Variants in HFM1 observed in about 807,000 individuals in gnomAD.
HFM1 encodes helicase for meiosis 1.
In HFM1, 169 loss-of-function variants were observed where a neutral mutation model predicts 192.1. The ratio of observed to expected loss-of-function variants is 0.88; its 90% CI spans 0.78 to 1.00. HFM1 has a LOEUF of 1.00. HFM1 is among the 50% of genes least tolerant of loss of function. The pLI, the probability that HFM1 is intolerant of heterozygous loss-of-function variation, is 0.00. For missense variants in HFM1, 1,661 were observed against 1,668.0 expected, an observed-to-expected ratio of 1.00 and a Z score of 0.07; for synonymous variants, 525 against 537.8, an observed-to-expected ratio of 0.98 and a Z score of 0.33.
At chr1:91,349,909 T>G (rs1656703506) in intron 18 of HFM1, among the ~76,000 whole-genome samples, 1 of 152,222 alleles carries the variant, frequency 6.6e-6, no homozygotes, top group South Asian at 2.1e-4. Flanking sequence ...CTTATTTACT[T>G]TTATATGCAA....
intron 30 of HFM1, among the ~76,000 whole-genome samples, chr1:91,277,517 GT>G: frequency 7.0e-6 from 1 of 142,530 alleles, no homozygotes; most frequent in African/African-American, 2.6e-5. Context: ...GTGTGTGTGT[GT>G]GTGTGTGTGT....
chr1:91,330,404 A>G (rs1242094691), intron 20 of HFM1, among the ~76,000 whole-genome samples: 3 of 152,190 alleles, frequency 2.0e-5, no homozygotes, highest in East Asian at 1.9e-4. Flanking sequence ...AAAATCTAGA[A>G]GAAATGAACA....
At chr1:91,372,208 T>C (rs1192969153) in intron 13 of HFM1, among the ~76,000 whole-genome samples, 13 of 152,174 alleles carry the variant, frequency 8.5e-5, no homozygotes, top group Admixed American at 8.5e-4. Flanking sequence ...CAACTAGAAA[T>C]ACCATTTGAT....
intron 4 of HFM1, among the ~76,000 whole-genome samples, chr1:91,386,249 C>A (rs1362631896): frequency 6.6e-6 from 1 of 152,152 alleles, no homozygotes; most frequent in Non-Finnish European, 1.5e-5. Flanking sequence ...CTGTGGAGAG[C>A]TAGTCACAAT....
chr1:91,290,694 A>G (rs965396679), intron 30 of HFM1, among the ~76,000 whole-genome samples: 1 of 152,176 alleles, frequency 6.6e-6, no homozygotes, highest in African/African-American at 2.4e-5. Context: ...CTCTGCACCA[A>G]CCGGACCTAA....
chr1:91,312,037 G>A (rs1342491495), intron 30 of HFM1, among the ~76,000 whole-genome samples: 1 of 152,190 alleles, frequency 6.6e-6, no homozygotes, highest in Non-Finnish European at 1.5e-5. Context: ...CAGAAGTCAA[G>A]AATCGAGGTT....
At chr1:91,337,599 G>A (rs1019323961) in intron 20 of HFM1, among the ~76,000 whole-genome samples, 5 of 152,140 alleles carry the variant, frequency 3.3e-5, no homozygotes, top group Non-Finnish European at 7.3e-5. Context: ...TCAGAGTCCC[G>A]TCTCCAGTAC....
chr1:91,303,097 C>T (rs1303304523), intron 30 of HFM1, among the ~76,000 whole-genome samples: 1 of 152,090 alleles, frequency 6.6e-6, no homozygotes, highest in Admixed American at 6.6e-5. Context: ...GGTTGTGCAA[C>T]AGTCATCATA....
At chr1:91,325,477 G>A (rs1164847517) in intron 20 of HFM1, among the ~76,000 whole-genome samples, 2 of 152,166 alleles carry the variant, frequency 1.3e-5, no homozygotes, top group East Asian at 3.9e-4. Context: ...CTGTATTTTT[G>A]AGAGAAAGTA....
chr1:91,343,226 G>T (rs1177717326), intron 20 of HFM1, among the ~76,000 whole-genome samples: 3 of 26,788 alleles, frequency 1.1e-4, no homozygotes, highest in African/African-American at 3.1e-4. Context: ...GTGAGACTCT[G>T]TCTCAAAAAA....
chr1:91,339,170 A>G (rs1194743704), intron 20 of HFM1, among the ~76,000 whole-genome samples: 2 of 151,344 alleles, frequency 1.3e-5, no homozygotes, highest in African/African-American at 4.9e-5. Flanking sequence ...CAGACGAAAA[A>G]CAATTAGTCT....
intron 20 of HFM1, among the ~76,000 whole-genome samples, chr1:91,340,814 G>C (rs1655229517): frequency 6.6e-6 from 1 of 152,084 alleles, no homozygotes; most frequent in Non-Finnish European, 1.5e-5. Context: ...AGACAAGACA[G>C]ACTTTACACC....
chr1:91,354,614 T>C (rs1657463455), intron 13 of HFM1, among the ~76,000 whole-genome samples: 1 of 152,044 alleles, frequency 6.6e-6, no homozygotes, highest in South Asian at 2.1e-4. Context: ...TCAAGTGATT[T>C]ATAGGGGAAT....
intron 34 of HFM1, among the ~76,000 whole-genome samples, chr1:91,269,266 T>C (rs899375134): frequency 6.6e-6 from 1 of 152,074 alleles, no homozygotes; most frequent in Admixed American, 6.6e-5. Flanking sequence ...GGATAAATAA[T>C]CTCGAGAACA....
intron 20 of HFM1, among the ~76,000 whole-genome samples, chr1:91,332,030 C>T (rs1371420667): frequency 6.6e-6 from 1 of 151,974 alleles, no homozygotes; most frequent in African/African-American, 2.4e-5. Context: ...CCATATTACC[C>T]AAAGTAATCT....
intron 30 of HFM1, among the ~76,000 whole-genome samples, chr1:91,290,078 C>T (rs1243745426): frequency 3.3e-5 from 5 of 152,056 alleles, no homozygotes; most frequent in Non-Finnish European, 5.9e-5. Context: ...ACAATCGGTA[C>T]CAGCCGCTGC....
intron 20 of HFM1, among the ~76,000 whole-genome samples, chr1:91,336,180 C>T (rs1654545912): frequency 6.7e-6 from 1 of 149,814 alleles, no homozygotes; most frequent in Non-Finnish European, 1.5e-5. Flanking sequence ...AAGCTAAGAT[C>T]CCTGCCTCCC....
At chr1:91,406,042 T>C (rs1664792447), upstream of HFM1, among the ~76,000 whole-genome samples, 1 of 152,218 alleles carries the variant, frequency 6.6e-6, no homozygotes, top group Admixed American at 6.5e-5. Flanking sequence ...GTGGGACTTT[T>C]GTGAGGTAAT....
chr1:91,317,339 G>GA (rs1651403865), intron 25 of HFM1, among the ~76,000 whole-genome samples: 1 of 152,102 alleles, frequency 6.6e-6, no homozygotes, highest in Admixed American at 6.5e-5. Context: ...GCTTGAACCC[G>GA]AGAGGCGGAG....
Sources: gnomAD v4.1 joint callset for allele counts (sites outside exome capture counted in the v4.1 genomes callset) on GRCh38, gnomAD v4.1.1 for gene constraint, MANE v1.5 for transcripts, NCBI Gene and HGNC (gene_info 2026-07-23, HGNC 2026-07-21) for gene names.